The following TRIP11 variants were observed in gnomAD, a reference collection of about 807,000 sequenced individuals.
TRIP11 encodes the protein thyroid receptor-interacting protein 11.
In TRIP11, 148 loss-of-function variants were observed where a neutral mutation model predicts 223.1. The ratio of observed to expected loss-of-function variants is 0.66; its 90% CI spans 0.58 to 0.76. The LOEUF is 0.76. Among genes scored for constraint, TRIP11 ranks in the 30% least tolerant of loss-of-function variants. The pLI is 0.00. For synonymous variants in TRIP11, 762 were observed against 772.6 expected (o/e 0.99, Z 0.23); for missense variants, 2,043 against 2,222.0 (o/e 0.92, Z 1.62).
intron 16 of TRIP11, among the ~76,000 whole-genome samples, chr14:91,985,471 T>A (rs960204752): frequency 4.6e-5 from 7 of 152,250 alleles, no homozygotes; most frequent in African/African-American, 1.7e-4. Flanking sequence ...TTGGCATTAT[T>A]TGCAACAGCT....
chr14:92,039,607 T>C lies in TRIP11; in HGVS notation c.79A>G (p.Thr27Ala). The change falls in exon 1 of 21, where the codon ACT becomes GCT. Residue 27 changes from threonine to alanine, a missense_variant. By Grantham distance (58) the Thr-to-Ala change is moderately conservative. Coordinates refer to ENST00000267622, the MANE Select transcript of TRIP11 (RefSeq NM_004239.4). ...GQVGGSLASL[T>A]GQISNFTKDM... The stretch of plus-strand genomic sequence containing the variant: ...TTTGTAAAGTTTGATATCTGGCCAG[T>C]GAGGGAAGCCAGGCTGCCCCCGACT... 4 of 1,613,368 alleles carry C rather than the reference T, an allele frequency of 2.5e-6. No individual in the cohort carries two copies. The highest frequency in any genetic ancestry group is 3.4e-6 in the Non-Finnish European group (4 of 1,179,778).
rs547231708 is a variant in TRIP11 at position 91,969,289 on chromosome 14, T to TA, written c.*383dup. 0.029 allele frequency: 7,508 copies of TA among 255,460 alleles called. 10 individuals carry two copies. Among genetic ancestry groups the TA allele is most frequent in the East Asian group, 0.041 (575 of 14,128 alleles). The allele number at this position is 255,460 out of a possible 1,614,324, so 15.8% of individuals were successfully genotyped here. On this transcript the variant is annotated 3_prime_UTR_variant, in exon 21 of 21. Transcript: ENST00000267622. ...TACTAGTATTTTTTTATTCTTCGTT[T>TA]AAAAAAAAAAAACACTCTCTTGATA...
Position 91,976,089 on chromosome 14 carries a change from T to C in TRIP11, c.5342+19A>G. 6.2e-7 allele frequency: 1 copy of C among 1,608,486 alleles called. No homozygotes were observed. Among genetic ancestry groups the C allele is most frequent in the Non-Finnish European group, 8.5e-7 (1 of 1,177,666 alleles). On this transcript the variant is annotated intron_variant, in intron 17 of 20. Coordinates refer to ENST00000267622, the MANE Select transcript of TRIP11 (RefSeq NM_004239.4). ...GTGATTTCCACAAAATATACAAACA[T>C]TAAAAGCAAAAAGCATACTTGTCTA...
chr14:91,989,583 T>C (rs1278333620), intron 15 of TRIP11, among the ~76,000 whole-genome samples: 1 of 151,120 alleles, frequency 6.6e-6, no homozygotes, highest in Non-Finnish European at 1.5e-5. Flanking sequence ...TATTCTCAAG[T>C]ATTCTCCCAT....
chr14:92,011,581 C>T (rs1385709560), intron 8 of TRIP11, among the ~76,000 whole-genome samples, 174 bp downstream of exon 8: 1 of 147,888 alleles, frequency 6.8e-6, no homozygotes, highest in Non-Finnish European at 1.5e-5. Flanking sequence ...TTACAGAAGA[C>T]TTCCTTATTA....
chr14:91,977,614 T>TTC (rs1249474851), intron 16 of TRIP11, among the ~76,000 whole-genome samples: 2 of 144,296 alleles, frequency 1.4e-5, no homozygotes, highest in African/African-American at 5.4e-5. Context: ...ATTCTTTTCT[T>TTC]TTTTTTTTTT....
At chr14:91,993,498 A>AG (rs1466929601) in intron 15 of TRIP11, among the ~76,000 whole-genome samples, 3 of 151,146 alleles carry the variant, frequency 2.0e-5, no homozygotes, top group Non-Finnish European at 3.0e-5. Context: ...AAAAAAAAAA[A>AG]AGAGAGAAAA....
chr14:92,025,661 GA>G (rs2057175026), intron 2 of TRIP11, among the ~76,000 whole-genome samples: 1 of 152,084 alleles, frequency 6.6e-6, no homozygotes, highest in Non-Finnish European at 1.5e-5. Context: ...GGCAGATCAT[GA>G]GGTCAGGAGA....
intron 13 of TRIP11, 146 bp from the exon 14 acceptor site, chr14:91,995,661 G>A: frequency 2.5e-6 from 2 of 788,254 alleles, no homozygotes; most frequent in Non-Finnish European, 3.8e-6. Context: ...TGTCACCCAG[G>A]CTGGAGTGCA....
chr14:92,005,290 A>G lies in TRIP11; in HGVS notation c.2686T>C (p.Ser896Pro). The stretch of plus-strand genomic sequence containing the variant: ...ATCGTGTTCAGTTGAGATACCTCAG[A>G]TGCTAGTTCAGTAACACTATCAAGG... ...KTLDSVTELASEVSQLNTIKE... is the reference protein window; with the variant it reads ...KTLDSVTELAPEVSQLNTIKE... Residue 896 changes from serine (S) to proline (P), a missense_variant, in exon 11 of 21, where the codon TCT (serine) becomes CCT (proline). Ser to Pro is a moderately conservative substitution (Grantham distance 74, BLOSUM62 -1). Transcript: ENST00000267622. 1.2e-6 allele frequency: 2 copies of G among 1,614,054 alleles called. No individual in the cohort carries two copies. The highest frequency in any genetic ancestry group is 1.7e-6 in the Non-Finnish European group (2 of 1,179,970).
Position 91,968,729 on chromosome 14 carries a change from G to A in TRIP11, c.*944C>T, listed in dbSNP as rs2056365161. 4.4e-6 allele frequency: 1 copy of A among 227,922 alleles called. No homozygotes were observed. Among genetic ancestry groups the A allele is most frequent in the African/African-American group, 2.2e-5 (1 of 44,958 alleles). The allele number at this position is 227,922 out of a possible 1,614,324, so 14.1% of individuals were successfully genotyped here. A position where few individuals can be genotyped will look rare whatever the true frequency, so the allele number is the denominator to read the frequency against. ...CCAAAGCCTTGGATGGATCTCAAGG[G>A]AATTATGCTGAGTGAAAAAAAGCCA... is the stretch of plus-strand genomic sequence containing the variant. On this transcript the variant is annotated 3_prime_UTR_variant, in exon 21 of 21. Coordinates refer to ENST00000267622, the MANE Select transcript of TRIP11 (RefSeq NM_004239.4).
At position 92,025,499 on chromosome 14, in the gene TRIP11, C is replaced by T. The variant is rs1555210; in HGVS notation, c.202-79G>A. On this transcript the variant is annotated intron_variant, in intron 2 of 20. Transcript: ENST00000267622. Reference sequence around the variant, plus strand: ...GTTATGTGCACAGCATTATGAAAAACGTACTGCTTTCCCCCCCCAAAAATG... The same window carrying T: ...GTTATGTGCACAGCATTATGAAAAATGTACTGCTTTCCCCCCCCAAAAATG... 18,375 of 956,844 alleles carry T rather than the reference C, an allele frequency of 0.019. 213 individuals carry two copies. Among genetic ancestry groups the T allele is most frequent in the Non-Finnish European group, 0.023 (14,534 of 622,328 alleles). 59.3% of individuals were successfully genotyped at this position (956,844 alleles called of 1,614,324 possible).
intron 9 of TRIP11, among the ~76,000 whole-genome samples, chr14:92,010,388 G>A (rs1566863369): frequency 6.6e-6 from 1 of 152,116 alleles, no homozygotes; most frequent in Non-Finnish European, 1.5e-5. Context: ...AAATTAGCTG[G>A]GTGTGGTGGC....
At chr14:91,979,044 C>CAATATTGCT (rs2056502987) in intron 16 of TRIP11, among the ~76,000 whole-genome samples, 1 of 151,944 alleles carries the variant, frequency 6.6e-6, no homozygotes, top group African/African-American at 2.4e-5. Context: ...ATTGCTTGAG[C>CAATATTGCT]TCAGGAGTTT....
intron 1 of TRIP11, among the ~76,000 whole-genome samples, chr14:92,034,349 G>T (rs2057300761): frequency 1.3e-5 from 2 of 151,996 alleles, no homozygotes; most frequent in African/African-American, 4.8e-5. Context: ...CTTGAACCTG[G>T]GAGGTGGAGG....
At chr14:92,024,197 GTGA>G (rs1414868625) in intron 3 of TRIP11, among the ~76,000 whole-genome samples, 1 of 152,082 alleles carries the variant, frequency 6.6e-6, no homozygotes, top group African/African-American at 2.4e-5. Flanking sequence ...GGCCAACGTG[GTGA>G]AACCCCATCT....
chr14:92,007,634 T>C lies in TRIP11; in HGVS notation c.1527+6A>G, dbSNP rs17127844. On this transcript the variant is annotated splice_donor_region_variant and intron_variant, in intron 10 of 20. Coordinates refer to ENST00000267622, the MANE Select transcript of TRIP11 (RefSeq NM_004239.4). ...TGCTGCCTTACTGTATTTAATACAGTGTTACCTTTGTAGCTTCTTGATTCT... is the reference window on the plus strand; with the variant it reads ...TGCTGCCTTACTGTATTTAATACAGCGTTACCTTTGTAGCTTCTTGATTCT... 6,707 of 1,613,066 alleles carry C rather than the reference T, an allele frequency of 4.2e-3. 104 individuals are homozygous for C. In the African/African-American group the frequency reaches 0.043, roughly 10 times the overall value.
intron 2 of TRIP11, among the ~76,000 whole-genome samples, chr14:92,026,343 T>A (rs887720329): frequency 4.0e-4 from 61 of 152,196 alleles, no homozygotes; most frequent in African/African-American, 1.3e-3. Flanking sequence ...TTACTCAAAT[T>A]GTATGTACCT....
intron 1 of TRIP11, among the ~76,000 whole-genome samples, chr14:92,033,891 C>A (rs1329762962): frequency 6.6e-6 from 1 of 152,118 alleles, no homozygotes; most frequent in Non-Finnish European, 1.5e-5. Flanking sequence ...GCATACCCCC[C>A]GAGTCTGCTT....
Sources: gnomAD v4.1 joint callset for allele counts (sites outside exome capture counted in the v4.1 genomes callset) on GRCh38, gnomAD v4.1.1 for gene constraint, MANE v1.5 for transcripts, NCBI Gene and HGNC (gene_info 2026-07-23, HGNC 2026-07-21) for gene names.